Variants in ZNF536 observed in about 807,000 individuals in gnomAD.
ZNF536 encodes zinc finger protein 536.
ZNF536 carries 13 observed loss-of-function variants against 84.5 expected under a neutral mutation model. The observed-to-expected ratio is 0.15, with a 90% confidence interval of 0.10 to 0.24. The LOEUF (loss-of-function observed/expected upper bound fraction) is 0.24. ZNF536 is among the 10% of genes least tolerant of loss of function. ZNF536 has a pLI of 1.00. For synonymous variants in ZNF536, 811 were observed against 742.5 expected (o/e 1.09, Z -1.50); for missense variants, 1,536 against 1,747.5 (o/e 0.88, Z 2.16).
At chr19:30,353,574 G>T (rs2048003214) in intron 3 of ZNF536, among the ~76,000 whole-genome samples, 1 of 152,056 alleles carries the variant, frequency 6.6e-6, no homozygotes, top group Non-Finnish European at 1.5e-5. Context: ...TCTCCCCTAG[G>T]CATGGTGACA....
At chr19:30,683,705 C>A (rs553468141) in intron 1 of ZNF536, among the ~76,000 whole-genome samples, 100 of 152,288 alleles carry the variant, frequency 6.6e-4, no homozygotes, top group African/African-American at 2.2e-3. Flanking sequence ...AATGCAGGAA[C>A]CAAAGAAGCG....
At chr19:30,340,342 C>T (rs1400835824) in intron 2 of ZNF536, among the ~76,000 whole-genome samples, 3 of 152,186 alleles carry the variant, frequency 2.0e-5, no homozygotes, top group Admixed American at 1.3e-4. Context: ...TAGGAAATGT[C>T]AGTCAGTCGG....
intron 1 of ZNF536, among the ~76,000 whole-genome samples, chr19:30,430,824 G>C (rs530493873): frequency 6.6e-6 from 1 of 152,130 alleles, no homozygotes; most frequent in African/African-American, 2.4e-5. Flanking sequence ...ACAGGCATGC[G>C]CCACCATGCC....
chr19:30,583,637 C>G (rs1055803304), intron 1 of ZNF536, among the ~76,000 whole-genome samples: 3 of 152,156 alleles, frequency 2.0e-5, no homozygotes, highest in Non-Finnish European at 2.9e-5. Flanking sequence ...TCAGTAGGAA[C>G]AGAAAGCAGT....
chr19:30,647,486 C>A (rs1275318799), intron 1 of ZNF536, among the ~76,000 whole-genome samples: 1 of 152,198 alleles, frequency 6.6e-6, no homozygotes, highest in Non-Finnish European at 1.5e-5. Context: ...TTCTTTCTCA[C>A]CTGTTCTGCT....
intron 1 of ZNF536, among the ~76,000 whole-genome samples, chr19:30,258,740 CAG>C (rs1342609378): frequency 6.8e-6 from 1 of 148,102 alleles, no homozygotes; most frequent in Non-Finnish European, 1.5e-5. Flanking sequence ...ATTTTTGAGA[CAG>C]AGTCTTGCTT....
At chr19:30,551,186 G>A (rs2045768589) in intron 4 of ZNF536, among the ~76,000 whole-genome samples, 1 of 148,800 alleles carries the variant, frequency 6.7e-6, no homozygotes, top group Non-Finnish European at 1.5e-5. Flanking sequence ...TAGGACCATA[G>A]TCCCTGCCAG....
chr19:30,296,782 A>G (rs1383582854), intron 2 of ZNF536, among the ~76,000 whole-genome samples: 1 of 152,210 alleles, frequency 6.6e-6, no homozygotes, highest in Admixed American at 6.5e-5. Context: ...AGGGAGGCAC[A>G]GATGGGTGTG....
rs549447513 is a variant in ZNF536, at chr19:30,693,444, G to C, written c.170-17313G>C. ...CACATGCTTCATTGCAGCTGGGTGC[G>C]GACATCTGTCATTCCTCAGCCATAT... On this transcript the variant is annotated intron_variant, in intron 1 of 1. Transcript: ENST00000592773. Among the ~76,000 whole-genome samples the C allele has an allele frequency of 2.6e-5, 4 of 152,232 alleles. No homozygotes were observed. In the South Asian group the frequency reaches 8.3e-4, roughly 32 times the overall value.
intron 1 of ZNF536, among the ~76,000 whole-genome samples, chr19:30,622,476 C>T (rs1568611550): frequency 2.0e-5 from 3 of 152,178 alleles, no homozygotes; most frequent in Admixed American, 6.5e-5. Context: ...CAGAAGTGGC[C>T]GTTCTGGATG....
chr19:30,569,207 T>G (rs190247496), intron 1 of ZNF536, among the ~76,000 whole-genome samples: 186 of 152,322 alleles, frequency 1.2e-3, no homozygotes, highest in African/African-American at 4.3e-3. Context: ...AACTTTTTTT[T>G]TGTGTTGAGG....
At chr19:30,568,072 G>A (rs936739705) in intron 1 of ZNF536, among the ~76,000 whole-genome samples, 1 of 152,162 alleles carries the variant, frequency 6.6e-6, no homozygotes, top group African/African-American at 2.4e-5. Context: ...GAAGGAAACC[G>A]CAGATGTACA....
intron 1 of ZNF536, among the ~76,000 whole-genome samples, chr19:30,599,958 A>G (rs2047623709): frequency 6.7e-6 from 1 of 149,712 alleles, no homozygotes; most frequent in Admixed American, 6.7e-5. Flanking sequence ...TGTCGTGTTT[A>G]TGATACAACA....
At chr19:30,346,242 GGGA>G (rs1356911517) in intron 2 of ZNF536, among the ~76,000 whole-genome samples, 1 of 152,118 alleles carries the variant, frequency 6.6e-6, no homozygotes, top group Non-Finnish European at 1.5e-5. Context: ...CAGCTCATAT[GGGA>G]GAAGATTTCC....
intron 2 of ZNF536, among the ~76,000 whole-genome samples, chr19:30,315,441 G>A (rs1361808331): frequency 2.0e-5 from 3 of 152,108 alleles, no homozygotes; most frequent in Non-Finnish European, 4.4e-5. Flanking sequence ...AAGGATGATG[G>A]TGGGGCATGA....
chr19:30,394,083 G>A (rs1401660130), intron 1 of ZNF536, among the ~76,000 whole-genome samples: 1 of 152,132 alleles, frequency 6.6e-6, no homozygotes, highest in East Asian at 1.9e-4. Flanking sequence ...AAAAAGGGCA[G>A]CTCTCTATCA....
intron 1 of ZNF536, among the ~76,000 whole-genome samples, chr19:30,236,842 C>CGGCATGTT: frequency 6.6e-6 from 1 of 152,184 alleles, no homozygotes; most frequent in East Asian, 1.9e-4. Flanking sequence ...TGTGTATGCC[C>CGGCATGTT]GGCATGTTGG....
intron 2 of ZNF536, among the ~76,000 whole-genome samples, chr19:30,527,713 TAAA>T (rs199828712): frequency 6.6e-6 from 1 of 151,878 alleles, no homozygotes; most frequent in African/African-American, 2.4e-5. Context: ...TTTAAATAAT[TAAA>T]AAAAATAAAA....
intron 1 of ZNF536, among the ~76,000 whole-genome samples, chr19:30,570,900 A>G (rs1181477342): frequency 6.6e-6 from 1 of 152,146 alleles, no homozygotes; most frequent in African/African-American, 2.4e-5. Context: ...CATGGAGGGA[A>G]TATGCCCAAT....
Sources: allele counts gnomAD v4.1 joint callset (sites outside exome capture counted in the v4.1 genomes callset), GRCh38; gene constraint gnomAD v4.1.1; transcripts MANE v1.5; gene names NCBI Gene and HGNC (gene_info 2026-07-23, HGNC 2026-07-21).